The following LGALS8 variants were observed in gnomAD, a reference collection of about 807,000 sequenced individuals.
LGALS8 encodes the protein galectin-8.
Under a neutral mutation model 35.9 loss-of-function variants are expected in LGALS8, and 30 were observed. The ratio of observed to expected loss-of-function variants is 0.83; its 90% CI spans 0.62 to 1.13. LGALS8 has a LOEUF of 1.13. LGALS8 is among the 50% of genes most tolerant of loss of function. The pLI is 0.00. For synonymous variants in LGALS8, 138 were observed against 136.1 expected, an observed-to-expected ratio of 1.01 and a Z score of -0.10; for missense variants, 366 against 388.7, an observed-to-expected ratio of 0.94 and a Z score of 0.49.
At chr1:236,543,325 C>G (rs558150602) in intron 7 of LGALS8, 6 of 663,340 alleles carry the variant, frequency 9.0e-6, no homozygotes, top group Non-Finnish European at 1.6e-5. Context: ...CAGAGGGCAT[C>G]GGGTCCCACC....
At position 236,542,958 on chromosome 1, in the gene LGALS8, C is replaced by A. The variant is rs748324658; in HGVS notation, c.549+171C>A. 4 of 1,614,062 alleles carry A rather than the reference C, an allele frequency of 2.5e-6. No homozygotes were observed. The South Asian group carries it at 3.3e-5, about 13-fold the overall frequency. ...GACATTTCTAAAATCGCACCCAGAA[C>A]TGTCTACACCAAGAGCAAAGATTCG... On this transcript the variant is annotated intron_variant, in intron 7 of 9. Coordinates refer to ENST00000366584, the MANE Select transcript of LGALS8 (RefSeq NM_201544.4).
intron 2 of LGALS8, among the ~76,000 whole-genome samples, chr1:236,531,772 C>A (rs988533381): frequency 1.3e-5 from 2 of 152,166 alleles, no homozygotes; most frequent in Non-Finnish European, 2.9e-5. Context: ...TCTCCTTTCT[C>A]TTCTCACCCC....
rs993194541 is a variant in LGALS8 at position 236,549,358 on chromosome 1, C to T, written c.*1197C>T. On this transcript the variant is annotated 3_prime_UTR_variant, in exon 10 of 10. Coordinates refer to ENST00000366584, the MANE Select transcript of LGALS8 (RefSeq NM_201544.4). ...GATCTTTACAGGTCAGATCTTGTTA[C>T]AGGAAATTTCAAAGGTTTGGGAGTG... is the stretch of plus-strand genomic sequence containing the variant. 2.5e-4 allele frequency: 44 copies of T among 176,238 alleles called. No homozygotes were observed. Among genetic ancestry groups the T allele is most frequent in the African/African-American group, 9.6e-4 (41 of 42,548 alleles). 10.9% of individuals were successfully genotyped at this position (176,238 alleles called of 1,614,324 possible).
In LGALS8 at chr1:236,541,728, T is replaced by C. The variant is rs1372057121; in HGVS notation, c.522+18T>C. ...GAGAAAATGTAAATATTAAATCTTTTAATGAGCCACTGGTTTAAAAATGTT... is the reference window on the plus strand; with the variant it reads ...GAGAAAATGTAAATATTAAATCTTTCAATGAGCCACTGGTTTAAAAATGTT... On this transcript the variant is annotated intron_variant, in intron 6 of 9. Transcript: ENST00000366584. The C allele has an allele frequency of 3.0e-6, 4 of 1,336,530 alleles. No homozygotes were observed. The highest frequency in any genetic ancestry group is 1.5e-5 in the African/African-American group (1 of 67,108). 82.8% of individuals were successfully genotyped at this position (1,336,530 alleles called of 1,614,324 possible).
chr1:236,549,082 A>C lies in LGALS8; in HGVS notation c.*921A>C, dbSNP rs1321306359. 6.5e-5 allele frequency: 26 copies of C among 398,248 alleles called. No individual in the cohort carries two copies. The Admixed American group carries it at 1.1e-3, about 18-fold the overall frequency. The allele number at this position is 398,248 out of a possible 1,614,324, so 24.7% of individuals were successfully genotyped here. A position where few individuals can be genotyped will look rare whatever the true frequency, so the allele number is the denominator to read the frequency against. On this transcript the variant is annotated 3_prime_UTR_variant, in exon 10 of 10. Transcript: ENST00000366584. ...AGGCATTCATAAGGCAGGCACTATC[A>C]GAAAGTGTACGCCAACTAAGGGACC...
At chr1:236,524,982 T>C (rs1660736627) in intron 1 of LGALS8, among the ~76,000 whole-genome samples, 1 of 152,154 alleles carries the variant, frequency 6.6e-6, no homozygotes, top group African/African-American at 2.4e-5. Flanking sequence ...TACAGGAAGC[T>C]CTGGTTTCAT....
In LGALS8 at chr1:236,543,616, CGTTA is replaced by C; in HGVS notation, c.607_610del (p.Val203LysfsTer4). On this transcript the variant is annotated frameshift_variant, in exon 8 of 10. Transcript: ENST00000366584. LOFTEE classifies it high-confidence loss of function. ...CCATGGGCCCTGGACGAACTGTCGT[CGTTA>C]AAGGAGAAGTGAATGCAAATGCCAA... The C allele has an allele frequency of 6.2e-7, 1 of 1,613,976 alleles. No individual in the cohort carries two copies. The highest frequency in any genetic ancestry group is 8.5e-7 in the Non-Finnish European group (1 of 1,179,934).
chr1:236,528,016 G>A (rs959964773), intron 2 of LGALS8, among the ~76,000 whole-genome samples: 8 of 152,052 alleles, frequency 5.3e-5, no homozygotes, highest in African/African-American at 9.7e-5. Flanking sequence ...GATTACAGGC[G>A]TGAGGCACCA....
At position 236,548,545 on chromosome 1, in the gene LGALS8, A is replaced by G. The variant is rs1662554835; in HGVS notation, c.*384A>G. ...TATATACTTGGTGAAACAAACCAGT[A>G]TGTTCCCTGTTCTCTTGAGCTTCGA... On this transcript the variant is annotated 3_prime_UTR_variant, in exon 10 of 10. Transcript: ENST00000366584. 3.9e-6 allele frequency: 1 copy of G among 253,506 alleles called. No homozygotes were observed. The allele number at this position is 253,506 out of a possible 1,614,324, so 15.7% of individuals were successfully genotyped here.
At chr1:236,529,069 A>G (rs1660995385) in intron 2 of LGALS8, among the ~76,000 whole-genome samples, 1 of 152,226 alleles carries the variant, frequency 6.6e-6, no homozygotes, top group East Asian at 1.9e-4. Context: ...TGAGCCCAGG[A>G]GTTCAAGACC....
At position 236,552,754 on chromosome 1, in the gene LGALS8, T is replaced by G. The variant is rs1389383455; in HGVS notation, c.*4593T>G. 1.3e-5 allele frequency: 2 copies of G among 152,290 alleles called. No individual in the cohort carries two copies. Among genetic ancestry groups the G allele is most frequent in the Non-Finnish European group, 2.9e-5 (2 of 68,062 alleles). The allele number at this position is 152,290 out of a possible 1,614,324, so 9.4% of individuals were successfully genotyped here. ...ACTGGTCTTCTAATTTTGGATATTT[T>G]AATTAAAGAATATCTGGACAGTACA... On this transcript the variant is annotated 3_prime_UTR_variant, in exon 10 of 10. Coordinates refer to ENST00000366584, the MANE Select transcript of LGALS8 (RefSeq NM_201544.4).
intron 4 of LGALS8, among the ~76,000 whole-genome samples, chr1:236,539,581 T>C (rs534287912): frequency 1.3e-4 from 20 of 150,306 alleles, no homozygotes; most frequent in Admixed American, 4.0e-4. Flanking sequence ...TGGAGTGTCT[T>C]GTACCTAGCG....
Position 236,544,933 on chromosome 1 carries a change from G to A in LGALS8, c.804+18G>A. On this transcript the variant is annotated intron_variant, in intron 9 of 9. Coordinates refer to ENST00000366584, the MANE Select transcript of LGALS8 (RefSeq NM_201544.4). ...ACTTTGAGGTGAGGTTACAGTTTTT[G>A]AAAATGGGACAGCAATAAGAATCCT... 6.3e-7 allele frequency: 1 copy of A among 1,581,806 alleles called. No homozygotes were observed. The highest frequency in any genetic ancestry group is 8.6e-7 in the Non-Finnish European group (1 of 1,159,412).
chr1:236,521,827 C>A (rs1202832788), upstream of LGALS8, among the ~76,000 whole-genome samples: 6 of 107,214 alleles, frequency 5.6e-5, no homozygotes, highest in African/African-American at 2.3e-4. Flanking sequence ...AGTGAGACTG[C>A]CTCAAAAAAA....
At chr1:236,532,333 C>T (rs1306713938) in intron 2 of LGALS8, among the ~76,000 whole-genome samples, 8 of 152,140 alleles carry the variant, frequency 5.3e-5, no homozygotes, top group Non-Finnish European at 7.4e-5. Flanking sequence ...TAGAAACCAC[C>T]GAGCCTTTGC....
upstream of LGALS8, chr1:236,523,539 G>A (rs557764673): frequency 1.3e-4 from 20 of 157,780 alleles, no homozygotes; most frequent in South Asian, 3.5e-4. Flanking sequence ...CCAGGCAGGC[G>A]GGGCCTGTGC....
intron 4 of LGALS8, among the ~76,000 whole-genome samples, chr1:236,539,494 A>G (rs1363861537): frequency 1.5e-5 from 2 of 132,420 alleles, no homozygotes; most frequent in African/African-American, 5.4e-5. Flanking sequence ...GCCACAAGAC[A>G]GTTCCGTAGG....
chr1:236,551,685 A>G lies in LGALS8; in HGVS notation c.*3524A>G. On this transcript the variant is annotated 3_prime_UTR_variant, in exon 10 of 10. Coordinates refer to ENST00000366584, the MANE Select transcript of LGALS8 (RefSeq NM_201544.4). ...AAAACTTCAATCATATAAATGTATGAGGTTAATTAAAAACACTACTGTAAT... is the reference window on the plus strand; with the variant it reads ...AAAACTTCAATCATATAAATGTATGGGGTTAATTAAAAACACTACTGTAAT... 4.5e-6 allele frequency: 1 copy of G among 224,086 alleles called. No individual in the cohort carries two copies. 13.9% of individuals were successfully genotyped at this position (224,086 alleles called of 1,614,324 possible).
At position 236,550,030 on chromosome 1, in the gene LGALS8, A is replaced by C. The variant is rs747453414; in HGVS notation, c.*1869A>C. On this transcript the variant is annotated 3_prime_UTR_variant, in exon 10 of 10. Transcript: ENST00000366584. Reference sequence around the variant, plus strand: ...ACGGGATGTTCTTAGATGCCTTTAAAAAGGGGGCAGATCTAATTTTATTTG... The same window carrying C: ...ACGGGATGTTCTTAGATGCCTTTAACAAGGGGGCAGATCTAATTTTATTTG... The C allele has an allele frequency of 2.0e-5, 3 of 152,198 alleles. No homozygotes were observed. The highest frequency in any genetic ancestry group is 4.4e-5 in the Non-Finnish European group (3 of 68,044). 9.4% of individuals were successfully genotyped at this position (152,198 alleles called of 1,614,324 possible).
Sources: allele counts gnomAD v4.1 joint callset (sites outside exome capture counted in the v4.1 genomes callset), GRCh38; gene constraint gnomAD v4.1.1; transcripts MANE v1.5; gene names NCBI Gene and HGNC (gene_info 2026-07-23, HGNC 2026-07-21).